FHOD3: variants seen among roughly 807,000 people sequenced by gnomAD.
FHOD3 encodes the protein FH1/FH2 domain-containing protein 3.
In FHOD3, 90 loss-of-function variants were observed where a neutral mutation model predicts 173.0. The observed-to-expected ratio is 0.52, with a 90% CI of 0.44 to 0.62. FHOD3 has a LOEUF of 0.62. Ranked by LOEUF, FHOD3 falls within the 20% of genes least tolerant of loss-of-function variation. The pLI is 0.00. For synonymous variants in FHOD3, 828 were observed against 823.0 expected (o/e 1.01, Z -0.10); for missense variants, 1,945 against 2,034.7 (o/e 0.96, Z 0.85).
At chr18:36,298,682 C>T (rs1238307190) in intron 1 of FHOD3, among the ~76,000 whole-genome samples, 1 of 151,770 alleles carries the variant, frequency 6.6e-6, no homozygotes, top group Non-Finnish European at 1.5e-5. Context: ...GGGCGGCGCG[C>T]TCACAAAGCC....
intron 3 of FHOD3, among the ~76,000 whole-genome samples, chr18:36,418,536 T>G (rs1415707222): frequency 6.6e-6 from 1 of 152,168 alleles, no homozygotes; most frequent in Non-Finnish European, 1.5e-5. Context: ...GATGAAAGTG[T>G]GTGTGGAAGG....
chr18:36,738,881 C>CT (rs1230011353), intron 20 of FHOD3, among the ~76,000 whole-genome samples: 2 of 152,134 alleles, frequency 1.3e-5, no homozygotes, highest in Admixed American at 1.3e-4. Flanking sequence ...CAAGGTTACT[C>CT]TTTTTCAAAT....
chr18:36,725,857 T>C (rs1285753166), intron 19 of FHOD3, among the ~76,000 whole-genome samples: 1 of 152,238 alleles, frequency 6.6e-6, no homozygotes, highest in African/African-American at 2.4e-5. Flanking sequence ...TGGACCATTG[T>C]ATAGAGCTTT....
chr18:36,465,980 A>G (rs1016163634), intron 3 of FHOD3, among the ~76,000 whole-genome samples: 1 of 152,170 alleles, frequency 6.6e-6, no homozygotes, highest in Non-Finnish European at 1.5e-5. Flanking sequence ...AAGTCCTTGA[A>G]GTAGCTTGAC....
chr18:36,365,381 A>G (rs1253100748), intron 2 of FHOD3, among the ~76,000 whole-genome samples: 1 of 152,240 alleles, frequency 6.6e-6, no homozygotes, highest in Admixed American at 6.5e-5. Flanking sequence ...ATATCTGATG[A>G]CCTGGAAGAC....
At chr18:36,455,735 T>G (rs991676025) in intron 3 of FHOD3, among the ~76,000 whole-genome samples, 11 of 152,278 alleles carry the variant, frequency 7.2e-5, no homozygotes, top group African/African-American at 2.6e-4. Flanking sequence ...CATTGGAGCA[T>G]ACATTTCAGT....
chr18:36,413,733 A>C (rs946362419), intron 3 of FHOD3, among the ~76,000 whole-genome samples: 1 of 152,130 alleles, frequency 6.6e-6, no homozygotes, highest in African/African-American at 2.4e-5. Context: ...TAACTTAAAC[A>C]TTTTCTTAGT....
intron 5 of FHOD3, among the ~76,000 whole-genome samples, chr18:36,548,824 A>C (rs1166466227): frequency 6.6e-5 from 10 of 152,124 alleles, no homozygotes; most frequent in Non-Finnish European, 1.3e-4. Flanking sequence ...TTATCCATAC[A>C]TGTTTTGGTG....
intron 1 of FHOD3, among the ~76,000 whole-genome samples, chr18:36,321,624 G>A (rs956450442): frequency 1.3e-5 from 2 of 152,198 alleles, no homozygotes; most frequent in African/African-American, 4.8e-5. Flanking sequence ...CAGTCACTGG[G>A]TGAAGTGCAG....
chr18:36,540,096 C>T (rs532091548), intron 5 of FHOD3, among the ~76,000 whole-genome samples: 1 of 152,148 alleles, frequency 6.6e-6, no homozygotes, highest in East Asian at 1.9e-4. Context: ...GAAATGCAGG[C>T]GTGGGGTGGA....
intron 3 of FHOD3, among the ~76,000 whole-genome samples, chr18:36,478,022 G>A (rs182646403): frequency 6.6e-6 from 1 of 152,230 alleles, no homozygotes; most frequent in Non-Finnish European, 1.5e-5. Flanking sequence ...GGAAAGAGAG[G>A]CAGGAGGCCC....
chr18:36,359,917 A>C (rs997363868), intron 2 of FHOD3, among the ~76,000 whole-genome samples: 6 of 152,228 alleles, frequency 3.9e-5, no homozygotes, highest in African/African-American at 1.4e-4. Flanking sequence ...TTACAGTCCA[A>C]TTCTGGAAAG....
At chr18:36,546,843 G>A (rs747822800) in intron 5 of FHOD3, among the ~76,000 whole-genome samples, 6 of 152,128 alleles carry the variant, frequency 3.9e-5, no homozygotes, top group Admixed American at 2.0e-4. Flanking sequence ...CTCACTTCAC[G>A]CTTCTTTACG....
chr18:36,385,963 C>T (rs1196465906), intron 3 of FHOD3, among the ~76,000 whole-genome samples: 2 of 152,194 alleles, frequency 1.3e-5, no homozygotes, highest in African/African-American at 4.8e-5. Context: ...CACAACATGA[C>T]ACCAAGTGCT....
chr18:36,333,601 G>A (rs748949670), intron 1 of FHOD3, among the ~76,000 whole-genome samples: 51 of 152,220 alleles, frequency 3.4e-4, no homozygotes, highest in Non-Finnish European at 6.8e-4. Flanking sequence ...TGCCTGCAGT[G>A]GGGTGTGGGT....
In FHOD3 at chr18:36,718,597, G is replaced by A; in HGVS notation, c.3299G>A (p.Cys1100Tyr). 1 of 1,614,084 alleles carries A rather than the reference G, an allele frequency of 6.2e-7. No homozygotes were observed. The highest frequency in any genetic ancestry group is 8.5e-7 in the Non-Finnish European group (1 of 1,179,960). ...GAAGTTCGGCCTTTTGACTGGCCAT[G>A]TAAAAACAACCGACGCTGCAGAGAA... ...WNEVRPFDWPCKNNRRCREFL... is the reference protein window; with the variant it reads ...WNEVRPFDWPYKNNRRCREFL... The change falls in exon 19 of 29, where the codon TGT becomes TAT. Residue 1100 changes from cysteine to tyrosine, a missense_variant. Physicochemically the swap from Cys to Tyr is radical, Grantham distance 194. Around this residue, in one of 5 missense-constraint regions of FHOD3, gnomAD observed 231 missense variants for 321.9 expected, o/e 0.72. Coordinates refer to ENST00000590592, the MANE Select transcript of FHOD3 (RefSeq NM_001281740.3).
At chr18:36,581,383 G>A (rs940645585) in intron 6 of FHOD3, among the ~76,000 whole-genome samples, 5 of 152,170 alleles carry the variant, frequency 3.3e-5, no homozygotes, top group African/African-American at 9.7e-5. Context: ...TGGCCCAAGG[G>A]GAAGGCCTCA....
chr18:36,424,493 G>T (rs559702214), intron 3 of FHOD3, among the ~76,000 whole-genome samples: 1 of 152,230 alleles, frequency 6.6e-6, no homozygotes, highest in Non-Finnish European at 1.5e-5. Flanking sequence ...ATGTCAGTAC[G>T]TGAGGGCAGA....
chr18:36,716,932 G>GTGTA (rs2040489161), intron 18 of FHOD3, among the ~76,000 whole-genome samples: 1 of 151,618 alleles, frequency 6.6e-6, no homozygotes, highest in Non-Finnish European at 1.5e-5. Flanking sequence ...GTGTGTGTGT[G>GTGTA]TGTGTGTGTG....
Sources: gnomAD v4.1 joint callset for allele counts (sites outside exome capture counted in the v4.1 genomes callset) on GRCh38, gnomAD v4.1.1 for gene constraint, gnomAD v4.1.1 regional missense constraint, MANE v1.5 for transcripts, NCBI Gene and HGNC (gene_info 2026-07-23, HGNC 2026-07-21) for gene names.